The following CCAR1 variants were observed in gnomAD, a reference collection of about 807,000 sequenced individuals.
The protein encoded by CCAR1 is cell division cycle and apoptosis regulator 1.
In CCAR1, 78 loss-of-function variants were observed where a neutral mutation model predicts 163.8. The observed-to-expected ratio is 0.48, with a 90% CI of 0.40 to 0.57. The LOEUF (loss-of-function observed/expected upper bound fraction) is 0.57. CCAR1 is among the 20% of genes least tolerant of loss of function. The probability of loss-of-function intolerance (pLI) is 0.00; values close to 1 mark genes in which losing one functional copy is unlikely to be tolerated. For missense variants in CCAR1, 1,019 were observed against 1,365.2 expected (o/e 0.75, Z 4.00); for synonymous variants, 443 against 460.7 (o/e 0.96, Z 0.49).
intron 21 of CCAR1, 188 bp from the exon 22 acceptor site, chr10:68,787,739 G>T: frequency 2.1e-6 from 1 of 477,914 alleles, no homozygotes. Context: ...GGAGGCTGAG[G>T]TAGGAGAATC....
chr10:68,780,500 C>T (rs2056723013), intron 19 of CCAR1, among the ~76,000 whole-genome samples: 1 of 152,186 alleles, frequency 6.6e-6, no homozygotes, highest in Admixed American at 6.6e-5. Flanking sequence ...GCCATTAGAA[C>T]ATTTGCTTAA....
intron 2 of CCAR1, 84 bp from the exon 3 acceptor site, chr10:68,736,792 G>T (rs930361348): frequency 1.7e-6 from 2 of 1,173,606 alleles, no homozygotes; most frequent in Admixed American, 2.2e-5. Flanking sequence ...GGGGGTGCGG[G>T]TATCTCTTCT....
chr10:68,737,867 C>T lies in CCAR1; in HGVS notation c.269C>T (p.Ala90Val). 1 of 1,594,832 alleles carries T rather than the reference C, an allele frequency of 6.3e-7. No individual in the cohort carries two copies. Among genetic ancestry groups the T allele is most frequent in the Non-Finnish European group, 8.5e-7 (1 of 1,173,278 alleles). Reference sequence around the variant, plus strand: ...CAGCAATATTCACAACCTCAGCAGGCCCTGTATAGTGTGCAACAACAGGTT... The same window carrying T: ...CAGCAATATTCACAACCTCAGCAGGTCCTGTATAGTGTGCAACAACAGGTT... Reference protein sequence around the residue: ...LQQQYSQPQQALYSVQQQLQQ... With the variant: ...LQQQYSQPQQVLYSVQQQLQQ... The change falls in exon 4 of 25, where the codon GCC becomes GTC. Residue 90 changes from alanine (A) to valine (V), a missense_variant. Physicochemically the swap from Ala to Val is moderately conservative, Grantham distance 64. Around this residue, in one of 4 missense-constraint regions of CCAR1, gnomAD observed 644 missense variants for 904.4 expected, o/e 0.71. Coordinates refer to ENST00000265872, the MANE Select transcript of CCAR1 (RefSeq NM_018237.4).
intron 6 of CCAR1, 100 bp downstream of exon 6, chr10:68,742,669 T>C (rs1300252): frequency 0.92 from 861,190 of 938,872 alleles, 395,706 homozygotes; most frequent in East Asian, 1. Context: ...TGGACACAGT[T>C]GTGCAATCTC....
chr10:68,781,960 T>C (rs994537408), intron 19 of CCAR1, among the ~76,000 whole-genome samples: 17 of 152,290 alleles, frequency 1.1e-4, no homozygotes, highest in African/African-American at 3.8e-4. Context: ...AAAGTTGAGA[T>C]AGGCCAAAAG....
chr10:68,786,290 A>G lies in CCAR1; in HGVS notation c.2733+72A>G. ...TCATCTAAACATAACACAGTTGTGAAGTTTATTAGTCCTTATACATCTTTA... is the reference window on the plus strand; with the variant it reads ...TCATCTAAACATAACACAGTTGTGAGGTTTATTAGTCCTTATACATCTTTA... On this transcript the variant is annotated intron_variant, in intron 20 of 24. Transcript: ENST00000265872. The G allele has an allele frequency of 3.6e-6, 4 of 1,101,574 alleles. No homozygotes were observed. In the South Asian group the frequency reaches 5.7e-5, roughly 16 times the overall value. The allele number at this position is 1,101,574 out of a possible 1,614,324, so 68.2% of individuals were successfully genotyped here. A position where few individuals can be genotyped will look rare whatever the true frequency, so the allele number is the denominator to read the frequency against.
At chr10:68,764,886 G>A (rs2056517996) in intron 16 of CCAR1, among the ~76,000 whole-genome samples, 2 of 152,158 alleles carry the variant, frequency 1.3e-5, no homozygotes, top group African/African-American at 4.8e-5. Context: ...CATCTACAGG[G>A]ATGTAATTCT....
At chr10:68,786,090 T>C in intron 19 of CCAR1, 46 bp from the exon 20 acceptor site, 1 of 1,271,466 alleles carries the variant, frequency 7.9e-7, no homozygotes, top group Non-Finnish European at 1.1e-6. Context: ...CACTTGAAAG[T>C]ATGTGTATTA....
At chr10:68,742,635 G>T in intron 6 of CCAR1, 66 bp downstream of exon 6, 1 of 1,280,990 alleles carries the variant, frequency 7.8e-7, no homozygotes, top group Non-Finnish European at 1.1e-6. Flanking sequence ...TTTAGTTGTG[G>T]CAGAAATTGT....
At chr10:68,725,176 C>T (rs781137507) in intron 2 of CCAR1, among the ~76,000 whole-genome samples, 1 of 151,788 alleles carries the variant, frequency 6.6e-6, no homozygotes, top group Non-Finnish European at 1.5e-5. Flanking sequence ...AGTAAAAGAA[C>T]ATTTACATTT....
intron 10 of CCAR1, among the ~76,000 whole-genome samples, chr10:68,751,070 C>T (rs1302909310): frequency 6.6e-6 from 1 of 151,726 alleles, no homozygotes; most frequent in Non-Finnish European, 1.5e-5. Flanking sequence ...TCTTGTTCCC[C>T]AGGCTGGAGA....
At chr10:68,760,961 C>A in intron 15 of CCAR1, 46 bp from the exon 16 acceptor site, 2 of 828,370 alleles carry the variant, frequency 2.4e-6, no homozygotes, top group Non-Finnish European at 3.5e-6. Flanking sequence ...CCCCCCGCCC[C>A]CCGCCACCTT....
At chr10:68,735,344 G>A (rs1490908326) in intron 2 of CCAR1, among the ~76,000 whole-genome samples, 8 of 143,434 alleles carry the variant, frequency 5.6e-5, no homozygotes, top group Non-Finnish European at 3.0e-5. Flanking sequence ...GTGAGACTCT[G>A]TCTCAAAAAC....
intron 5 of CCAR1, 83 bp downstream of exon 5, chr10:68,740,744 A>C: frequency 9.1e-7 from 1 of 1,101,414 alleles, no homozygotes; most frequent in East Asian, 2.4e-5. Context: ...TTTTTCTTTC[A>C]GGGTTTAGTT....
In CCAR1 at chr10:68,731,713, C is replaced by G. The variant is rs1326257813; in HGVS notation, c.74-5163C>G. ...TGGGTTCAAACAAGTGCCTCAGCCT[C>G]AGAAGAAGCTGGGATTACAGGCATG... is the stretch of plus-strand genomic sequence containing the variant. On this transcript the variant is annotated intron_variant, in intron 2 of 24. Coordinates refer to ENST00000265872, the MANE Select transcript of CCAR1 (RefSeq NM_018237.4). Among the ~76,000 whole-genome samples, 8 of 150,488 alleles carry G rather than the reference C, an allele frequency of 5.3e-5. No homozygotes were observed. The East Asian group carries it at 1.6e-3, about 30-fold the overall frequency.
intron 4 of CCAR1, among the ~76,000 whole-genome samples, chr10:68,738,602 TTTTC>T (rs1452800654): frequency 3.9e-5 from 6 of 152,108 alleles, no homozygotes; most frequent in Non-Finnish European, 7.3e-5. Context: ...TTTTATTTTT[TTTTC>T]TTTATTTTTT....
At chr10:68,768,663 G>T (rs1275451347) in intron 17 of CCAR1, among the ~76,000 whole-genome samples, 1 of 151,938 alleles carries the variant, frequency 6.6e-6, no homozygotes, top group Admixed American at 6.6e-5. Context: ...TCCTAATAGT[G>T]CCATCCCTGT....
At chr10:68,721,570 C>T (rs1312153715) in intron 1 of CCAR1, 2 of 450,206 alleles carry the variant, frequency 4.4e-6, no homozygotes. Context: ...CCCATTGCTC[C>T]CGAGCCGCTG....
chr10:68,786,990 CAGG>C lies in CCAR1; in HGVS notation c.2880+301_2880+303del, dbSNP rs2056802479. On this transcript the variant is annotated intron_variant, in intron 21 of 24. Transcript: ENST00000265872. The stretch of plus-strand genomic sequence containing the variant: ...ATCCCAGCTACTCGGGAAGCTGAGA[CAGG>C]AGAATCTCTTGAACCCAGGAGGTGG... The C allele has an allele frequency of 3.6e-5, 8 of 222,054 alleles. No individual in the cohort carries two copies. In the South Asian group the frequency reaches 5.2e-4, roughly 14 times the overall value. The allele number at this position is 222,054 out of a possible 1,614,324, so 13.8% of individuals were successfully genotyped here. A position where few individuals can be genotyped will look rare whatever the true frequency, so the allele number is the denominator to read the frequency against.
Sources: gnomAD v4.1 joint callset for allele counts (sites outside exome capture counted in the v4.1 genomes callset) on GRCh38, gnomAD v4.1.1 for gene constraint, gnomAD v4.1.1 regional missense constraint, MANE v1.5 for transcripts, NCBI Gene and HGNC (gene_info 2026-07-23, HGNC 2026-07-21) for gene names.